LRMDA: variants seen among roughly 807,000 people sequenced by gnomAD.
LRMDA encodes leucine-rich melanocyte differentiation-associated protein.
In LRMDA, 18 loss-of-function variants were observed where a neutral mutation model predicts 29.8. The ratio of observed to expected loss-of-function variants is 0.60; its 90% CI spans 0.42 to 0.90. The LOEUF is 0.90. LRMDA is among the 40% of genes least tolerant of loss of function. The pLI is 0.00. For synonymous variants in LRMDA, 125 were observed against 109.4 expected (o/e 1.14, Z -0.89); for missense variants, 273 against 273.9 (o/e 1.00, Z 0.02).
At chr10:76,487,157 G>A (rs1156777164) in intron 6 of LRMDA, among the ~76,000 whole-genome samples, 1 of 151,872 alleles carries the variant, frequency 6.6e-6, no homozygotes, top group African/African-American at 2.4e-5. Flanking sequence ...TGTTGAATGT[G>A]CATATTTCTA....
intron 5 of LRMDA, among the ~76,000 whole-genome samples, chr10:76,319,826 G>T (rs773473551): frequency 6.6e-6 from 1 of 152,150 alleles, no homozygotes; most frequent in Non-Finnish European, 1.5e-5. Context: ...ATGCCAAAGC[G>T]CTCCACTTGA....
At chr10:76,041,582 G>A (rs527366991) in intron 3 of LRMDA, among the ~76,000 whole-genome samples, 6 of 152,288 alleles carry the variant, frequency 3.9e-5, no homozygotes, top group African/African-American at 1.4e-4. Context: ...CCTTTAACCC[G>A]CAGCTGAGCC....
At chr10:75,472,676 C>T (rs565935247) in intron 2 of LRMDA, among the ~76,000 whole-genome samples, 13 of 152,316 alleles carry the variant, frequency 8.5e-5, no homozygotes, top group African/African-American at 3.1e-4. Context: ...ACAGAAAAAT[C>T]TAGTCCATCA....
At chr10:75,488,083 G>A (rs1844937034) in intron 2 of LRMDA, among the ~76,000 whole-genome samples, 1 of 152,062 alleles carries the variant, frequency 6.6e-6, no homozygotes, top group African/African-American at 2.4e-5. Flanking sequence ...CCTGACTTAT[G>A]GCATAAAATG....
At chr10:76,129,599 C>A (rs1849949280) in intron 5 of LRMDA, among the ~76,000 whole-genome samples, 1 of 152,144 alleles carries the variant, frequency 6.6e-6, no homozygotes, top group Admixed American at 6.5e-5. Context: ...CCCAGAACCA[C>A]TGTTCACTCC....
chr10:75,888,295 T>G (rs1266920867), intron 2 of LRMDA, among the ~76,000 whole-genome samples: 1 of 152,206 alleles, frequency 6.6e-6, no homozygotes, highest in Non-Finnish European at 1.5e-5. Flanking sequence ...TATGATGAGT[T>G]CGTGATCCAC....
intron 5 of LRMDA, among the ~76,000 whole-genome samples, chr10:76,232,769 T>C (rs1219886677): frequency 6.6e-6 from 1 of 152,170 alleles, no homozygotes; most frequent in African/African-American, 2.4e-5. Flanking sequence ...TTATTGGTGA[T>C]GAAACAGCTT....
At chr10:76,546,509 CTAGT>C (rs1342745390) in intron 6 of LRMDA, among the ~76,000 whole-genome samples, 2 of 152,296 alleles carry the variant, frequency 1.3e-5, no homozygotes, top group East Asian at 1.9e-4. Context: ...CTCCGAGTGG[CTAGT>C]TAGTCACATG....
At chr10:76,005,638 AT>A (rs1847638089) in intron 2 of LRMDA, among the ~76,000 whole-genome samples, 1 of 151,988 alleles carries the variant, frequency 6.6e-6, no homozygotes, top group Non-Finnish European at 1.5e-5. Context: ...CCTAAAAAAA[AT>A]AAATAAATGG....
At chr10:75,737,842 A>G (rs1842784537) in intron 2 of LRMDA, among the ~76,000 whole-genome samples, 1 of 152,200 alleles carries the variant, frequency 6.6e-6, no homozygotes, top group Admixed American at 6.5e-5. Context: ...TCACTGCTGC[A>G]CTGGTGCCAA....
At chr10:76,134,682 A>G (rs1262500240) in intron 5 of LRMDA, among the ~76,000 whole-genome samples, 3 of 152,286 alleles carry the variant, frequency 2.0e-5, no homozygotes, top group South Asian at 4.1e-4. Flanking sequence ...ACCTAGTTAT[A>G]TAATTTGAGT....
chr10:75,604,051 G>A (rs1279958838), intron 2 of LRMDA, among the ~76,000 whole-genome samples: 1 of 152,062 alleles, frequency 6.6e-6, no homozygotes, highest in Non-Finnish European at 1.5e-5. Context: ...TGATGAGCAA[G>A]TCATTTGACC....
At chr10:75,727,688 C>T (rs1252810009) in intron 2 of LRMDA, among the ~76,000 whole-genome samples, 1 of 152,176 alleles carries the variant, frequency 6.6e-6, no homozygotes, top group African/African-American at 2.4e-5. Context: ...AGATGATAAT[C>T]TGTGGGTATT....
intron 2 of LRMDA, among the ~76,000 whole-genome samples, chr10:75,544,853 A>G (rs1157847227): frequency 6.6e-6 from 1 of 152,224 alleles, no homozygotes; most frequent in African/African-American, 2.4e-5. Flanking sequence ...TCGTAGTGTT[A>G]TTCTCATTTA....
At chr10:76,494,459 T>C (rs560503752) in intron 6 of LRMDA, among the ~76,000 whole-genome samples, 163 of 151,904 alleles carry the variant, frequency 1.1e-3, no homozygotes, top group African/African-American at 3.7e-3. Flanking sequence ...TTCCATAGCA[T>C]GATGTCACCT....
intron 2 of LRMDA, among the ~76,000 whole-genome samples, chr10:75,569,963 C>T (rs4237282): frequency 0.76 from 116,259 of 152,232 alleles, 44,559 homozygotes; most frequent in East Asian, 0.85. Flanking sequence ...GCATGGATAA[C>T]AAAGTAAGCA....
chr10:76,098,975 G>A (rs1017430711), intron 5 of LRMDA, among the ~76,000 whole-genome samples: 3 of 152,152 alleles, frequency 2.0e-5, no homozygotes, highest in South Asian at 2.1e-4. Flanking sequence ...AATCTGGATG[G>A]TGCTAGCTGA....
chr10:76,555,822 GA>G (rs148728406), intron 6 of LRMDA, among the ~76,000 whole-genome samples: 5 of 146,562 alleles, frequency 3.4e-5, no homozygotes, highest in African/African-American at 1.0e-4. Flanking sequence ...CACACTGATG[GA>G]AAAAAAAATC....
intron 2 of LRMDA, among the ~76,000 whole-genome samples, chr10:75,600,235 G>A (rs1416105165): frequency 1.3e-5 from 2 of 152,108 alleles, no homozygotes; most frequent in East Asian, 3.9e-4. Context: ...TCTTTCCACA[G>A]CATTCTTTGT....
Sources: gnomAD v4.1 joint callset for allele counts (sites outside exome capture counted in the v4.1 genomes callset) on GRCh38, gnomAD v4.1.1 for gene constraint, MANE v1.5 for transcripts, NCBI Gene and HGNC (gene_info 2026-07-23, HGNC 2026-07-21) for gene names.